ABHD17C: variants seen among roughly 807,000 people sequenced by gnomAD.
ABHD17C encodes abhydrolase domain containing 17C, depalmitoylase.
In ABHD17C, 11 loss-of-function variants were observed where a neutral mutation model predicts 27.9. The observed-to-expected ratio is 0.39, with a 90% CI of 0.25 to 0.65. The LOEUF (loss-of-function observed/expected upper bound fraction) is 0.65. Among genes scored for constraint, ABHD17C ranks in the 30% least tolerant of loss-of-function variants. The pLI, the probability that ABHD17C is intolerant of heterozygous loss-of-function variation, is 0.45. For synonymous variants in ABHD17C, 233 were observed against 209.1 expected, an observed-to-expected ratio of 1.11 and a Z score of -0.98; for missense variants, 280 against 470.2, an observed-to-expected ratio of 0.60 and a Z score of 3.74.
intron 1 of ABHD17C, among the ~76,000 whole-genome samples, chr15:80,697,111 G>A (rs1366840100): frequency 2.0e-5 from 3 of 150,816 alleles, no homozygotes; most frequent in Admixed American, 2.0e-4. Context: ...TTTTTCATTC[G>A]TACTCACGCA....
chr15:80,715,448 G>C (rs1462419050), intron 1 of ABHD17C, among the ~76,000 whole-genome samples: 1 of 152,204 alleles, frequency 6.6e-6, no homozygotes, highest in Admixed American at 6.5e-5. Flanking sequence ...TTCCTCTTCT[G>C]TAAAGCGGGG....
At chr15:80,715,002 C>T (rs1405075285) in intron 1 of ABHD17C, among the ~76,000 whole-genome samples, 1 of 152,186 alleles carries the variant, frequency 6.6e-6, no homozygotes, top group African/African-American at 2.4e-5. Context: ...AGGATGGTCT[C>T]GATCTCCTGA....
intron 1 of ABHD17C, among the ~76,000 whole-genome samples, chr15:80,734,027 C>T (rs141052174): frequency 0.04 from 6,106 of 151,820 alleles, 414 homozygotes; most frequent in African/African-American, 0.14. Flanking sequence ...CTCTGTCACC[C>T]AGGCTGGAGT....
chr15:80,715,439 T>A (rs1420241011), intron 1 of ABHD17C, among the ~76,000 whole-genome samples: 1 of 152,212 alleles, frequency 6.6e-6, no homozygotes, highest in African/African-American at 2.4e-5. Flanking sequence ...TGCCTCAGTT[T>A]CCTCTTCTGT....
intron 1 of ABHD17C, among the ~76,000 whole-genome samples, chr15:80,744,308 A>G (rs559890496): frequency 2.0e-5 from 3 of 152,148 alleles, no homozygotes; most frequent in African/African-American, 4.8e-5. Context: ...TAATTCAGAT[A>G]CTTCTCATTT....
intron 1 of ABHD17C, among the ~76,000 whole-genome samples, chr15:80,701,660 C>T (rs1217754654): frequency 7.0e-6 from 1 of 143,344 alleles, no homozygotes; most frequent in Admixed American, 7.1e-5. Context: ...GCCTGGGCGA[C>T]AGAGCGAGAC....
At chr15:80,700,252 A>G (rs1894552829) in intron 1 of ABHD17C, among the ~76,000 whole-genome samples, 7 of 152,120 alleles carry the variant, frequency 4.6e-5, no homozygotes, top group Admixed American at 4.6e-4. Flanking sequence ...GAAACTATAA[A>G]CCCAAACAAG....
At chr15:80,708,736 T>C (rs1894684412) in intron 1 of ABHD17C, among the ~76,000 whole-genome samples, 1 of 152,136 alleles carries the variant, frequency 6.6e-6, no homozygotes, top group Admixed American at 6.5e-5. Context: ...TGGGTACTCA[T>C]CGGATATTGG....
At chr15:80,708,182 C>T (rs1478857512) in intron 1 of ABHD17C, among the ~76,000 whole-genome samples, 1 of 152,152 alleles carries the variant, frequency 6.6e-6, no homozygotes, top group Non-Finnish European at 1.5e-5. Flanking sequence ...ATTACTATTT[C>T]CTCTGTTTTC....
chr15:80,699,534 A>G (rs1297617687), intron 1 of ABHD17C, among the ~76,000 whole-genome samples: 2 of 152,262 alleles, frequency 1.3e-5, no homozygotes, highest in Non-Finnish European at 1.5e-5. Flanking sequence ...ATACTAACCC[A>G]TCCTTTGTAT....
intron 1 of ABHD17C, among the ~76,000 whole-genome samples, chr15:80,737,172 C>A (rs116435738): frequency 6.6e-6 from 1 of 152,188 alleles, no homozygotes; most frequent in Non-Finnish European, 1.5e-5. Context: ...CTGCACACAT[C>A]GCACTGCCCG....
At chr15:80,698,706 C>T (rs959114541) in intron 1 of ABHD17C, among the ~76,000 whole-genome samples, 1 of 152,236 alleles carries the variant, frequency 6.6e-6, no homozygotes, top group Admixed American at 6.5e-5. Flanking sequence ...GGAGCAAGTT[C>T]TTATGCTATT....
At chr15:80,729,068 A>G (rs1176732972) in intron 1 of ABHD17C, among the ~76,000 whole-genome samples, 1 of 152,228 alleles carries the variant, frequency 6.6e-6, no homozygotes, top group Non-Finnish European at 1.5e-5. Context: ...TATAAGACCC[A>G]TGAGAGTAAA....
intron 1 of ABHD17C, among the ~76,000 whole-genome samples, chr15:80,709,666 G>C (rs529625552): frequency 6.6e-6 from 1 of 152,050 alleles, no homozygotes; most frequent in South Asian, 2.1e-4. Context: ...TTGAGAGCCT[G>C]TTCAGCAGCC....
chr15:80,695,434 C>A lies in ABHD17C; in HGVS notation c.5C>A (p.Pro2His). 7.5e-7 allele frequency: 1 copy of A among 1,332,228 alleles called. No individual in the cohort carries two copies. 82.5% of individuals were successfully genotyped at this position (1,332,228 alleles called of 1,614,324 possible). Residue 2 changes from proline (P) to histidine (H), a missense_variant, in exon 1 of 3, where the codon CCC becomes CAC. Physicochemically the swap from Pro to His is moderately conservative, Grantham distance 77. This residue lies in a region of ABHD17C where 74 missense variants were observed against 75.5 expected (regional missense o/e 0.98). Coordinates refer to ENST00000258884, the MANE Select transcript of ABHD17C (RefSeq NM_021214.2). This position sits in a 1 kb window ranked among gnomAD's most constrained non-coding sequence, Gnocchi z 4.3. M[P>H]EPGPRMNGFS... Reference sequence around the variant, plus strand: ...GGCGGGCACCAGGCCGTCCCGATGCCCGAGCCAGGCCCCAGGATGAACGGC... The same window carrying A: ...GGCGGGCACCAGGCCGTCCCGATGCACGAGCCAGGCCCCAGGATGAACGGC...
intron 1 of ABHD17C, among the ~76,000 whole-genome samples, chr15:80,737,235 A>T (rs1305094068): frequency 6.6e-6 from 1 of 152,170 alleles, no homozygotes; most frequent in Non-Finnish European, 1.5e-5. Flanking sequence ...AAATTGGGAG[A>T]CTTTAATTTC....
In ABHD17C at chr15:80,699,658, A is replaced by G. The variant is rs564117618; in HGVS notation, c.590+3639A>G. ...CTACCAGTGTGCAGACCCCTCATGC[A>G]TGGATAAAGACAGTGAATCCCCCCA... On this transcript the variant is annotated intron_variant, in intron 1 of 2. Coordinates refer to ENST00000258884, the MANE Select transcript of ABHD17C (RefSeq NM_021214.2). 2.0e-5 allele frequency among the ~76,000 whole-genome samples: 3 copies of G among 152,348 alleles called. No individual in the cohort carries two copies. In the South Asian group the frequency reaches 6.2e-4, roughly 32 times the overall value.
At chr15:80,730,401 G>C (rs1034483154) in intron 1 of ABHD17C, among the ~76,000 whole-genome samples, 1 of 152,170 alleles carries the variant, frequency 6.6e-6, no homozygotes, top group Admixed American at 6.5e-5. Context: ...TCTCCACCAG[G>C]CTCCTTAGTG....
chr15:80,703,843 T>C (rs1225094732), intron 1 of ABHD17C, among the ~76,000 whole-genome samples: 2 of 152,212 alleles, frequency 1.3e-5, no homozygotes, highest in African/African-American at 2.4e-5. Context: ...AGACCCCCAG[T>C]GGATGCCTGA....
Sources: allele counts gnomAD v4.1 joint callset (sites outside exome capture counted in the v4.1 genomes callset), GRCh38; gene constraint gnomAD v4.1.1; regional missense constraint gnomAD v4.1.1; non-coding constraint Gnocchi (gnomAD v3.1); transcripts MANE v1.5; gene names NCBI Gene and HGNC (gene_info 2026-07-23, HGNC 2026-07-21).